Variants in NHSL1 observed in about 807,000 individuals in gnomAD.
NHSL1 encodes NHS like 1.
A neutral mutation model predicts 95.0 loss-of-function variants in NHSL1; 48 were observed. The ratio of observed to expected loss-of-function variants is 0.51; its 90% CI spans 0.40 to 0.64. The LOEUF (loss-of-function observed/expected upper bound fraction) is 0.64, where lower values mean the gene tolerates loss of function less well. Ranked by LOEUF, NHSL1 falls within the 30% of genes least tolerant of loss-of-function variation. The pLI is 0.00. For missense variants in NHSL1, 1,971 were observed against 2,077.7 expected, an observed-to-expected ratio of 0.95 and a Z score of 1.00; for synonymous variants, 783 against 833.9, an observed-to-expected ratio of 0.94 and a Z score of 1.05.
intron 1 of NHSL1, among the ~76,000 whole-genome samples, chr6:138,578,933 G>A (rs1784011551): frequency 6.6e-6 from 1 of 152,156 alleles, no homozygotes; most frequent in African/African-American, 2.4e-5. Flanking sequence ...CAGCCTTTCT[G>A]GCACCAGGGA....
intron 1 of NHSL1, among the ~76,000 whole-genome samples, chr6:138,653,206 AT>A: frequency 6.6e-6 from 1 of 152,234 alleles, no homozygotes; most frequent in African/African-American, 2.4e-5. Flanking sequence ...CACCTATTAT[AT>A]TTCCAGGTCT....
chr6:138,491,071 A>G (rs910254095), intron 2 of NHSL1, among the ~76,000 whole-genome samples: 1 of 152,176 alleles, frequency 6.6e-6, no homozygotes, highest in African/African-American at 2.4e-5. Context: ...TAACCCTCTG[A>G]CTTTGAATGA....
chr6:138,653,630 G>A (rs1255924719), intron 1 of NHSL1, among the ~76,000 whole-genome samples: 1 of 152,080 alleles, frequency 6.6e-6, no homozygotes, highest in Non-Finnish European at 1.5e-5. Flanking sequence ...TTTGTGAAAT[G>A]CCACAATCAA....
At chr6:138,512,870 C>T (rs1277922934) in intron 1 of NHSL1, among the ~76,000 whole-genome samples, 3 of 152,192 alleles carry the variant, frequency 2.0e-5, no homozygotes, top group Non-Finnish European at 4.4e-5. Context: ...CCTCAGCCTG[C>T]CCTGTCTAGA....
chr6:138,670,438 G>C (rs1438396982), intron 1 of NHSL1, among the ~76,000 whole-genome samples: 1 of 151,016 alleles, frequency 6.6e-6, no homozygotes, highest in African/African-American at 2.4e-5. Context: ...AGGCCGAGGC[G>C]GGCGGATCAC....
intron 2 of NHSL1, among the ~76,000 whole-genome samples, chr6:138,473,746 A>T (rs999731391): frequency 4.6e-5 from 7 of 152,078 alleles, no homozygotes; most frequent in African/African-American, 1.4e-4. Context: ...TAGGGTAATT[A>T]TATTATTTGC....
intron 7 of NHSL1, among the ~76,000 whole-genome samples, chr6:138,429,459 A>G (rs990111469): frequency 6.6e-6 from 1 of 152,220 alleles, no homozygotes; most frequent in Admixed American, 6.5e-5. Flanking sequence ...TGCCAGGAAG[A>G]GCAGCGCCTA....
At chr6:138,582,919 C>T (rs1784083030) in intron 1 of NHSL1, among the ~76,000 whole-genome samples, 1 of 152,208 alleles carries the variant, frequency 6.6e-6, no homozygotes, top group South Asian at 2.1e-4. Flanking sequence ...ACTGCTGCCT[C>T]CCAAACTCCT....
chr6:138,657,814 CAAAAAAAAAA>C (rs1051789759), intron 1 of NHSL1, among the ~76,000 whole-genome samples: 1 of 33,042 alleles, frequency 3.0e-5, no homozygotes. Flanking sequence ...GACTCCATCT[CAAAAAAAAAA>C]AAAAAAAAAA....
At position 138,618,262 on chromosome 6, in the gene NHSL1, C is replaced by A. The variant is rs1327557548; in HGVS notation, c.96+74214G>T. The stretch of plus-strand genomic sequence containing the variant: ...ATAGCTACACGCCCAGGCCCCAACC[C>A]CTGGAGATTCTGATTAAGTAGGACA... On this transcript the variant is annotated intron_variant, in intron 1 of 3. Transcript: ENST00000491526. Among the ~76,000 whole-genome samples the A allele has an allele frequency of 5.9e-5, 9 of 152,162 alleles. No individual in the cohort carries two copies. The East Asian group carries it at 1.5e-3, about 26-fold the overall frequency.
intron 1 of NHSL1, among the ~76,000 whole-genome samples, chr6:138,587,091 A>G (rs1784146589): frequency 6.7e-6 from 1 of 149,882 alleles, no homozygotes; most frequent in African/African-American, 2.5e-5. Flanking sequence ...TCCTGTCTCA[A>G]CCTCTCGAGT....
chr6:138,526,838 T>C (rs1781925396), intron 1 of NHSL1, among the ~76,000 whole-genome samples: 1 of 152,206 alleles, frequency 6.6e-6, no homozygotes. Flanking sequence ...ATATCCTCTT[T>C]TCCTTGTGTT....
At chr6:138,635,586 C>T (rs545507691) in intron 1 of NHSL1, among the ~76,000 whole-genome samples, 1 of 152,162 alleles carries the variant, frequency 6.6e-6, no homozygotes, top group African/African-American at 2.4e-5. Context: ...CTGAATTCTA[C>T]CAAACATTTA....
upstream of NHSL1, among the ~76,000 whole-genome samples, chr6:138,501,403 C>G (rs1456631595): frequency 2.0e-5 from 3 of 151,976 alleles, no homozygotes; most frequent in African/African-American, 7.3e-5. Context: ...GTGCAACAGA[C>G]AAAATAAAAA....
chr6:138,562,786 A>G (rs1442457741), intron 1 of NHSL1, among the ~76,000 whole-genome samples: 1 of 152,112 alleles, frequency 6.6e-6, no homozygotes, highest in African/African-American at 2.4e-5. Flanking sequence ...CCCCTAGATG[A>G]CCTGGTTCTA....
upstream of NHSL1, among the ~76,000 whole-genome samples, chr6:138,501,466 GA>G (rs1299782879): frequency 1.3e-5 from 2 of 152,166 alleles, no homozygotes; most frequent in East Asian, 1.9e-4. Flanking sequence ...AGCATCGTAG[GA>G]GTCAGGGTGG....
In NHSL1 at chr6:138,569,268, T is replaced by TGA. The variant is rs1305244453; in HGVS notation, c.202+2441_202+2442insTC. On this transcript the variant is annotated intron_variant, in intron 1 of 6. Transcript: ENST00000427025. ...ATATGTGTGTGTGTGTGTGTGTGTGTGTGAGAGAGAGAGAGAGAAAGAGAG... is the reference window on the plus strand; with the variant it reads ...ATATGTGTGTGTGTGTGTGTGTGTGTGAGTGAGAGAGAGAGAGAGAAAGAGAG... Among the ~76,000 whole-genome samples the TGA allele has an allele frequency of 1.0e-3, 153 of 151,306 alleles. 1 individual carries two copies. Among genetic ancestry groups the TGA allele is most frequent in the African/African-American group, 3.3e-3 (134 of 41,122 alleles).
chr6:138,602,204 T>C (rs1016808564), intron 1 of NHSL1, among the ~76,000 whole-genome samples: 1 of 152,244 alleles, frequency 6.6e-6, no homozygotes, highest in Non-Finnish European at 1.5e-5. Flanking sequence ...ATCCATGAAA[T>C]GATATGTCTC....
At chr6:138,637,196 G>A (rs1207010773) in intron 1 of NHSL1, among the ~76,000 whole-genome samples, 2 of 152,014 alleles carry the variant, frequency 1.3e-5, no homozygotes, top group Admixed American at 6.6e-5. Context: ...ATATCCATAG[G>A]CAGAATAATG....
Sources: gnomAD v4.1 joint callset for allele counts (sites outside exome capture counted in the v4.1 genomes callset) on GRCh38, gnomAD v4.1.1 for gene constraint, MANE v1.5 for transcripts, NCBI Gene and HGNC (gene_info 2026-07-23, HGNC 2026-07-21) for gene names.